Variants in PPP1R12B observed in about 807,000 individuals in gnomAD.
PPP1R12B encodes protein phosphatase 1 regulatory subunit 12B.
A neutral mutation model predicts 126.1 loss-of-function variants in PPP1R12B; 76 were observed. The observed-to-expected ratio is 0.60, with a 90% confidence interval of 0.50 to 0.73. The LOEUF (loss-of-function observed/expected upper bound fraction) is 0.73, where lower values mean the gene tolerates loss of function less well. Among genes scored for constraint, PPP1R12B ranks in the 30% least tolerant of loss-of-function variants. The pLI is 0.00. For synonymous variants in PPP1R12B, 356 were observed against 434.7 expected (o/e 0.82, Z 2.25); for missense variants, 1,052 against 1,205.1 (o/e 0.87, Z 1.88).
intron 18 of PPP1R12B, among the ~76,000 whole-genome samples, chr1:202,551,130 A>G (rs1234113608): frequency 6.6e-6 from 1 of 152,216 alleles, no homozygotes; most frequent in Non-Finnish European, 1.5e-5. Context: ...ATGTTACATG[A>G]TATCATTTTT....
At position 202,565,046 on chromosome 1, in the gene PPP1R12B, A is replaced by C. The variant is rs1453942060; in HGVS notation, c.2757+499A>C. ...GTGCCACAACATAGGGTTAAGTCCCAAAGCAAAGATTCTGTAGCATATGTT... is the reference window on the plus strand; with the variant it reads ...GTGCCACAACATAGGGTTAAGTCCCCAAGCAAAGATTCTGTAGCATATGTT... On this transcript the variant is annotated intron_variant, in intron 21 of 23. Coordinates refer to ENST00000608999, the MANE Select transcript of PPP1R12B (RefSeq NM_002481.4). The surrounding 1 kb of genome is among the most constrained non-coding windows in gnomAD (Gnocchi z 4.3). Among the ~76,000 whole-genome samples the C allele has an allele frequency of 6.6e-6, 1 of 152,252 alleles. No individual in the cohort carries two copies. Among genetic ancestry groups the C allele is most frequent in the African/African-American group, 2.4e-5 (1 of 41,482 alleles).
At chr1:202,378,668 T>C (rs1489848824) in intron 1 of PPP1R12B, among the ~76,000 whole-genome samples, 4 of 151,936 alleles carry the variant, frequency 2.6e-5, no homozygotes, top group African/African-American at 9.7e-5. Context: ...TTAGTAGAGA[T>C]GGGGTTTCAC....
At chr1:202,553,960 C>A (rs533616962) in intron 18 of PPP1R12B, among the ~76,000 whole-genome samples, 1 of 152,196 alleles carries the variant, frequency 6.6e-6, no homozygotes, top group Admixed American at 6.5e-5. Context: ...TGAATGAAGT[C>A]GTGTTAGTCT....
At chr1:202,460,178 GCT>G (rs1245026079) in intron 13 of PPP1R12B, among the ~76,000 whole-genome samples, 1 of 151,796 alleles carries the variant, frequency 6.6e-6, no homozygotes, top group Non-Finnish European at 1.5e-5. Flanking sequence ...TTTTAATTGT[GCT>G]CTTTCTTTTC....
chr1:202,518,314 G>A (rs1252104847), intron 18 of PPP1R12B, among the ~76,000 whole-genome samples: 2 of 152,176 alleles, frequency 1.3e-5, no homozygotes, highest in African/African-American at 2.4e-5. Flanking sequence ...TATAATAGTG[G>A]AAATATTGGA....
At chr1:202,358,541 G>A (rs1657539374) in intron 1 of PPP1R12B, among the ~76,000 whole-genome samples, 1 of 152,142 alleles carries the variant, frequency 6.6e-6, no homozygotes, top group Non-Finnish European at 1.5e-5. Context: ...AATTAGCCGG[G>A]CGTGGTCGCA....
chr1:202,432,391 C>T (rs1242525950), intron 8 of PPP1R12B, among the ~76,000 whole-genome samples: 1 of 151,984 alleles, frequency 6.6e-6, no homozygotes, highest in Admixed American at 6.6e-5. Flanking sequence ...GCCTCAGCCT[C>T]TCAGTAGCTG....
chr1:202,567,697 T>C, intron 21 of PPP1R12B, 81 bp from the exon 22 acceptor site: 1 of 1,437,618 alleles, frequency 7.0e-7, no homozygotes, highest in Non-Finnish European at 9.7e-7. Flanking sequence ...AGATGTCTAG[T>C]AGTGAAGCTG....
chr1:202,354,701 T>G lies in PPP1R12B; in HGVS notation c.291+5559T>G, dbSNP rs189056817. Among the ~76,000 whole-genome samples the G allele has an allele frequency of 7.9e-4, 120 of 151,646 alleles. 1 individual carries two copies. In the East Asian group the frequency reaches 0.021, roughly 26 times the overall value. The stretch of plus-strand genomic sequence containing the variant: ...TCTCGCTCTGTCAGCCAGGCTGGAG[T>G]GCAGTGCACGATCTCGACTCACTGC... On this transcript the variant is annotated intron_variant, in intron 1 of 23. Coordinates refer to ENST00000608999, the MANE Select transcript of PPP1R12B (RefSeq NM_002481.4).
chr1:202,529,090 T>C (rs2148934047), intron 18 of PPP1R12B, among the ~76,000 whole-genome samples: 1 of 152,278 alleles, frequency 6.6e-6, no homozygotes, highest in South Asian at 2.1e-4. Context: ...AACCTAGTAG[T>C]ACAATGGCAT....
chr1:202,574,854 C>T (rs946286641), intron 23 of PPP1R12B: 2 of 748,688 alleles, frequency 2.7e-6, no homozygotes, highest in Non-Finnish European at 4.2e-6. Context: ...CTCCATGACT[C>T]CTGCCTTTCT....
chr1:202,462,942 A>T (rs932021677), intron 13 of PPP1R12B: 14 of 985,224 alleles, frequency 1.4e-5, no homozygotes, highest in Non-Finnish European at 1.6e-5. Context: ...TCCTGGTTTT[A>T]TGGAAATCAG....
intron 1 of PPP1R12B, among the ~76,000 whole-genome samples, chr1:202,395,114 CAA>C (rs71142529): frequency 4.1e-5 from 4 of 97,908 alleles, no homozygotes; most frequent in African/African-American, 8.5e-5. Context: ...GAGACTCTCT[CAA>C]AAAAAAAAAA....
Position 202,588,872 on chromosome 1 carries a change from T to TAGATAGATAGATGATAGATA in PPP1R12B, c.*8313_*8314insGATAGATAGATGATAGATAA, listed in dbSNP as rs111697917. The TAGATAGATAGATGATAGATA allele has an allele frequency of 7.2e-4, 106 of 147,078 alleles. No individual in the cohort carries two copies. The highest frequency in any genetic ancestry group is 2.6e-3 in the African/African-American group (100 of 37,920). 9.1% of individuals were successfully genotyped at this position (147,078 alleles called of 1,614,324 possible). A position where few individuals can be genotyped will look rare whatever the true frequency, so the allele number is the denominator to read the frequency against. On this transcript the variant is annotated 3_prime_UTR_variant, in exon 24 of 24. Coordinates refer to ENST00000608999, the MANE Select transcript of PPP1R12B (RefSeq NM_002481.4). Reference sequence around the variant, plus strand: ...ATAGATAGATAGATAGATAGATAGATATCAAGGTTCCAAGCTTCAAGTAAC... The same window carrying TAGATAGATAGATGATAGATA: ...ATAGATAGATAGATAGATAGATAGATAGATAGATAGATGATAGATAATCAAGGTTCCAAGCTTCAAGTAAC...
chr1:202,392,271 A>G (rs1198418740), intron 1 of PPP1R12B, among the ~76,000 whole-genome samples: 2 of 152,218 alleles, frequency 1.3e-5, no homozygotes, highest in Non-Finnish European at 2.9e-5. Context: ...ATGTGTATCC[A>G]TACAATGGAA....
chr1:202,544,202 C>T (rs929526375), intron 18 of PPP1R12B, among the ~76,000 whole-genome samples: 5 of 152,058 alleles, frequency 3.3e-5, no homozygotes, highest in Admixed American at 3.3e-4. Flanking sequence ...AATTTTCCAA[C>T]ATTAAAAAAA....
At chr1:202,388,977 T>C (rs573103698) in intron 1 of PPP1R12B, among the ~76,000 whole-genome samples, 3 of 152,252 alleles carry the variant, frequency 2.0e-5, no homozygotes, top group East Asian at 1.9e-4. Flanking sequence ...AGAAACAGAC[T>C]CAATTACAGA....
intron 18 of PPP1R12B, among the ~76,000 whole-genome samples, chr1:202,552,052 A>G (rs1399642057): frequency 6.6e-6 from 1 of 152,226 alleles, no homozygotes; most frequent in African/African-American, 2.4e-5. Context: ...TCTGACCTAC[A>G]AAACTGTGAG....
intron 1 of PPP1R12B, among the ~76,000 whole-genome samples, chr1:202,353,637 T>A (rs1421605702): frequency 7.9e-6 from 1 of 126,536 alleles, no homozygotes; most frequent in East Asian, 2.7e-4. Flanking sequence ...TGTGACAGGG[T>A]CTTGCCCTGT....
Sources: allele counts gnomAD v4.1 joint callset (sites outside exome capture counted in the v4.1 genomes callset), GRCh38; gene constraint gnomAD v4.1.1; non-coding constraint Gnocchi (gnomAD v3.1); transcripts MANE v1.5; gene names NCBI Gene and HGNC (gene_info 2026-07-23, HGNC 2026-07-21).